Variants in DCC observed in about 807,000 individuals in gnomAD.
DCC encodes the protein netrin receptor DCC.
Under a neutral mutation model 172.5 loss-of-function variants are expected in DCC, and 58 were observed. The observed-to-expected ratio is 0.34, with a 90% CI of 0.27 to 0.42. The LOEUF (loss-of-function observed/expected upper bound fraction) is 0.42. Among genes scored for constraint, DCC ranks in the 10% least tolerant of loss-of-function variants. The pLI, the probability that DCC is intolerant of heterozygous loss-of-function variation, is 1.00. For synonymous variants in DCC, 709 were observed against 644.5 expected (o/e 1.10, Z -1.52); for missense variants, 1,740 against 1,791.0 (o/e 0.97, Z 0.51).
chr18:52,437,999 T>G (rs1987851455), intron 1 of DCC, among the ~76,000 whole-genome samples: 1 of 152,160 alleles, frequency 6.6e-6, no homozygotes, highest in African/African-American at 2.4e-5. Context: ...TCACAAATAT[T>G]AGTATTAAGA....
chr18:52,643,185 T>C (rs2034945223), intron 1 of DCC, among the ~76,000 whole-genome samples: 1 of 152,050 alleles, frequency 6.6e-6, no homozygotes, highest in African/African-American at 2.4e-5. Flanking sequence ...ATAGTCTCAG[T>C]GTTTGGTTGT....
intron 1 of DCC, among the ~76,000 whole-genome samples, chr18:52,350,164 A>G (rs142492673): frequency 1.5e-4 from 23 of 152,324 alleles, no homozygotes; most frequent in African/African-American, 4.8e-4. Context: ...TAGATGAATA[A>G]AAGATTTAGA....
At chr18:53,464,160 C>G (rs1455305603) in intron 24 of DCC, among the ~76,000 whole-genome samples, 2 of 152,134 alleles carry the variant, frequency 1.3e-5, no homozygotes, top group African/African-American at 4.8e-5. Flanking sequence ...GAGTTCAGGT[C>G]TATTTGATCT....
At chr18:53,034,770 A>G (rs986381051) in intron 5 of DCC, among the ~76,000 whole-genome samples, 2 of 151,900 alleles carry the variant, frequency 1.3e-5, no homozygotes, top group Admixed American at 1.3e-4. Context: ...ATAAGGCCTG[A>G]AAGATCTGGC....
chr18:53,438,513 TA>T lies in DCC; in HGVS notation c.3229+3305del, dbSNP rs145828906. Among the ~76,000 whole-genome samples, 98 of 152,328 alleles carry T rather than the reference TA, an allele frequency of 6.4e-4. 3 individuals carry two copies. The East Asian group carries it at 0.018, about 27-fold the overall frequency. On this transcript the variant is annotated intron_variant, in intron 22 of 28. Transcript: ENST00000442544. ...TATAAAAGGGATTGCCATCTCAATT[TA>T]TATATGCACCCCTAGGTATACATGA...
chr18:53,287,278 C>G lies in DCC; in HGVS notation c.1912-18300C>G, dbSNP rs180941737. ...GTGGCTTTCAGATGAGATAATTTTT[C>G]AAGGTTCATCCATATTGTAGAATGT... On this transcript the variant is annotated intron_variant, in intron 12 of 28. Transcript: ENST00000442544. Among the ~76,000 whole-genome samples, 140 of 152,230 alleles carry G rather than the reference C, an allele frequency of 9.2e-4. 1 individual carries two copies. The East Asian group carries it at 0.011, about 12-fold the overall frequency.
In DCC at chr18:52,427,205, A is replaced by G. The variant is rs80059128; in HGVS notation, c.91+86327A>G. On this transcript the variant is annotated intron_variant, in intron 1 of 28. Transcript: ENST00000442544. The stretch of plus-strand genomic sequence containing the variant: ...GTCATGAAGATAAAACTGAAGTCCA[A>G]AGAGCTGAAGTGATTTGTCCAAAGT... Among the ~76,000 whole-genome samples the G allele has an allele frequency of 1.9e-3, 283 of 152,194 alleles. 6 individuals carry two copies. In the East Asian group the frequency reaches 0.045, roughly 24 times the overall value.
At chr18:52,682,560 A>T (rs2035765857) in intron 1 of DCC, among the ~76,000 whole-genome samples, 1 of 152,094 alleles carries the variant, frequency 6.6e-6, no homozygotes, top group South Asian at 2.1e-4. Flanking sequence ...AGAGCATTAC[A>T]GGGAAGTCAT....
intron 26 of DCC, among the ~76,000 whole-genome samples, chr18:53,493,778 T>C (rs1410626491): frequency 6.6e-6 from 1 of 152,158 alleles, no homozygotes; most frequent in East Asian, 1.9e-4. Context: ...TCTGCTCTGA[T>C]CTTAGTTATT....
intron 12 of DCC, among the ~76,000 whole-genome samples, chr18:53,296,255 T>G (rs2057066275): frequency 6.6e-6 from 1 of 152,166 alleles, no homozygotes; most frequent in African/African-American, 2.4e-5. Flanking sequence ...TCACAATCTT[T>G]CAGTCTCTCA....
chr18:52,418,491 G>A (rs1347029259), intron 1 of DCC, among the ~76,000 whole-genome samples: 12 of 152,278 alleles, frequency 7.9e-5, no homozygotes, highest in Non-Finnish European at 1.3e-4. Flanking sequence ...CAACTCAAAC[G>A]AAAGTAAAGT....
intron 18 of DCC, among the ~76,000 whole-genome samples, chr18:53,401,701 G>A (rs1055181778): frequency 2.0e-5 from 3 of 152,030 alleles, no homozygotes; most frequent in East Asian, 3.9e-4. Flanking sequence ...AACCCAATAC[G>A]TTCTGAATCT....
intron 1 of DCC, among the ~76,000 whole-genome samples, chr18:52,515,345 C>T (rs867200483): frequency 5.0e-4 from 76 of 151,928 alleles, no homozygotes; most frequent in African/African-American, 1.7e-3. Context: ...TGGTGGCTCA[C>T]GCCTGTAATC....
At chr18:52,514,516 C>T (rs2031558015) in intron 1 of DCC, among the ~76,000 whole-genome samples, 1 of 152,154 alleles carries the variant, frequency 6.6e-6, no homozygotes, top group Admixed American at 6.5e-5. Flanking sequence ...ATAAAAATTG[C>T]CTTCAGATGA....
chr18:52,712,049 C>T (rs1198689885), intron 1 of DCC, among the ~76,000 whole-genome samples: 4 of 151,990 alleles, frequency 2.6e-5, no homozygotes, highest in African/African-American at 9.7e-5. Context: ...GCAACCTCTG[C>T]CTCCTGGTTC....
At chr18:53,058,740 C>G (rs2042451599) in intron 5 of DCC, among the ~76,000 whole-genome samples, 1 of 152,122 alleles carries the variant, frequency 6.6e-6, no homozygotes, top group South Asian at 2.1e-4. Context: ...GCCACTTCCA[C>G]TGAGAAGTCA....
intron 1 of DCC, among the ~76,000 whole-genome samples, chr18:52,354,211 A>G (rs556856568): frequency 1.3e-5 from 2 of 152,190 alleles, no homozygotes; most frequent in Non-Finnish European, 2.9e-5. Context: ...ACAATAGGAC[A>G]GCCCCAGGTA....
chr18:53,017,706 T>C lies in DCC; in HGVS notation c.986-45599T>C, dbSNP rs2041828549. Among the ~76,000 whole-genome samples, 4 of 152,186 alleles carry C rather than the reference T, an allele frequency of 2.6e-5. No individual in the cohort carries two copies. The South Asian group carries it at 8.3e-4, about 31-fold the overall frequency. On this transcript the variant is annotated intron_variant, in intron 5 of 28. Coordinates refer to ENST00000442544, the MANE Select transcript of DCC (RefSeq NM_005215.4). ...TGTATACATGCTCATAGATGTAATT[T>C]TCTAAAATAAAATCTAATATAATAG...
chr18:52,615,820 G>C (rs1298424340), intron 1 of DCC, among the ~76,000 whole-genome samples: 1 of 152,084 alleles, frequency 6.6e-6, no homozygotes, highest in Non-Finnish European at 1.5e-5. Flanking sequence ...GAGTAGGGTA[G>C]GGAGAAGCTT....
Sources: gnomAD v4.1 joint callset for allele counts (sites outside exome capture counted in the v4.1 genomes callset) on GRCh38, gnomAD v4.1.1 for gene constraint, MANE v1.5 for transcripts, NCBI Gene and HGNC (gene_info 2026-07-23, HGNC 2026-07-21) for gene names.